The following TM9SF3 variants were observed in gnomAD, a reference collection of about 807,000 sequenced individuals.
TM9SF3 encodes SM-11044-binding protein.
TM9SF3 carries 14 observed loss-of-function variants against 78.6 expected under a neutral mutation model. The observed-to-expected ratio is 0.18, with a 90% CI of 0.12 to 0.28. TM9SF3 has a LOEUF of 0.28. Among genes scored for constraint, TM9SF3 ranks in the 10% least tolerant of loss-of-function variants. TM9SF3 has a pLI of 1.00. For synonymous variants in TM9SF3, 231 were observed against 241.7 expected (o/e 0.96, Z 0.41); for missense variants, 496 against 721.9 (o/e 0.69, Z 3.59).
chr10:96,519,524 T>C lies in TM9SF3; in HGVS notation c.*2739A>G, dbSNP rs937480921. On this transcript the variant is annotated 3_prime_UTR_variant, in exon 15 of 15. Coordinates refer to ENST00000371142, the MANE Select transcript of TM9SF3 (RefSeq NM_020123.4). ...TATGTATACAAATGTCAACTACTAA[T>C]GTAGTTAAATTTCAGGAGAAGCATG... The C allele has an allele frequency of 1.3e-5, 2 of 151,972 alleles. No homozygotes were observed. Among genetic ancestry groups the C allele is most frequent in the African/African-American group, 4.8e-5 (2 of 41,430 alleles). The allele number at this position is 151,972 out of a possible 1,614,324, so 9.4% of individuals were successfully genotyped here.
At chr10:96,574,316 C>CA (rs1003756133) in intron 2 of TM9SF3, among the ~76,000 whole-genome samples, 7 of 151,932 alleles carry the variant, frequency 4.6e-5, no homozygotes, top group Non-Finnish European at 1.0e-4. Flanking sequence ...AACGAACATA[C>CA]AAAAAAAAGC....
chr10:96,528,198 C>G, intron 11 of TM9SF3, 21 bp from the exon 12 acceptor site: 1 of 1,599,712 alleles, frequency 6.3e-7, no homozygotes, highest in Non-Finnish European at 8.5e-7. Context: ...GCAATAAAGA[C>G]ACAGGTTTCC....
At chr10:96,546,843 G>C (rs964919687) in intron 8 of TM9SF3, among the ~76,000 whole-genome samples, 3 of 152,184 alleles carry the variant, frequency 2.0e-5, no homozygotes, top group Non-Finnish European at 4.4e-5. Context: ...TGCTGACACT[G>C]CTTAAGATGG....
At chr10:96,538,797 G>A (rs1239225524) in intron 9 of TM9SF3, among the ~76,000 whole-genome samples, 1 of 152,156 alleles carries the variant, frequency 6.6e-6, no homozygotes, top group Non-Finnish European at 1.5e-5. Flanking sequence ...ATTAGGAAGT[G>A]CTAATTAAAA....
At chr10:96,580,804 CA>C (rs2134162574) in intron 1 of TM9SF3, among the ~76,000 whole-genome samples, 1 of 152,242 alleles carries the variant, frequency 6.6e-6, no homozygotes, top group Admixed American at 6.5e-5. Context: ...TTTATATGAA[CA>C]CTTAAATAAT....
chr10:96,586,725 G>A lies in TM9SF3; in HGVS notation c.102+9C>T, dbSNP rs1044385218. On this transcript the variant is annotated intron_variant, in intron 1 of 14. Transcript: ENST00000371142. ...GCCCGGGGCGGCCGCGCCGGCCGGG[G>A]CGCCTCACCGTGTGTTCGTGCTCGT... 9 of 1,226,148 alleles carry A rather than the reference G, an allele frequency of 7.3e-6. No individual in the cohort carries two copies. In the African/African-American group the frequency reaches 1.1e-4, roughly 15 times the overall value. 76.0% of individuals were successfully genotyped at this position (1,226,148 alleles called of 1,614,324 possible).
intron 9 of TM9SF3, among the ~76,000 whole-genome samples, chr10:96,543,167 A>G (rs1268638721): frequency 6.6e-6 from 1 of 152,188 alleles, no homozygotes; most frequent in Non-Finnish European, 1.5e-5. Context: ...GTTTCTAGTA[A>G]AAAGGTAATA....
At chr10:96,545,422 T>G (rs1292546002) in intron 8 of TM9SF3, among the ~76,000 whole-genome samples, 1 of 152,240 alleles carries the variant, frequency 6.6e-6, no homozygotes, top group Non-Finnish European at 1.5e-5. Flanking sequence ...CTCTCCTGTT[T>G]CATTTCTTTT....
At chr10:96,524,371 G>C (rs1189870567) in intron 14 of TM9SF3, among the ~76,000 whole-genome samples, 1 of 151,716 alleles carries the variant, frequency 6.6e-6, no homozygotes, top group Non-Finnish European at 1.5e-5. Context: ...AAATATACCT[G>C]AATCCTTACG....
intron 9 of TM9SF3, among the ~76,000 whole-genome samples, chr10:96,540,509 T>C (rs12415048): frequency 0.2 from 31,087 of 152,130 alleles, 3,536 homozygotes; most frequent in Admixed American, 0.3. Flanking sequence ...TTGCGTATCT[T>C]AGGCTTCACT....
intron 5 of TM9SF3, among the ~76,000 whole-genome samples, chr10:96,556,354 A>G (rs1848233413): frequency 6.6e-6 from 1 of 152,224 alleles, no homozygotes; most frequent in South Asian, 2.1e-4. Flanking sequence ...ATTCCCCAAC[A>G]GCTCTGCAAG....
At chr10:96,538,563 C>T (rs1158352933) in intron 9 of TM9SF3, among the ~76,000 whole-genome samples, 1 of 151,868 alleles carries the variant, frequency 6.6e-6, no homozygotes, top group African/African-American at 2.4e-5. Flanking sequence ...GTAATTTTGC[C>T]CTTCAAAAAA....
Position 96,528,105 on chromosome 10 carries a change from A to G in TM9SF3, c.1467T>C (p.Val489=). 6.2e-7 allele frequency: 1 copy of G among 1,613,014 alleles called. No homozygotes were observed. The highest frequency in any genetic ancestry group is 8.5e-7 in the Non-Finnish European group (1 of 1,179,182). ...CACAGACAGTCACAATGCACAGGATAACCAGCACCAGCATCATGAAGCCAT... is the reference window on the plus strand; with the variant it reads ...CACAGACAGTCACAATGCACAGGATGACCAGCACCAGCATCATGAAGCCAT... ...YVYGFMMLVL[V]ILCIVTVCVT... Residue 489 remains valine (V), a synonymous_variant, in exon 12 of 15, where the codon GTT becomes GTC. Transcript: ENST00000371142.
chr10:96,569,206 T>C (rs1848411660), intron 2 of TM9SF3, among the ~76,000 whole-genome samples: 1 of 152,130 alleles, frequency 6.6e-6, no homozygotes, highest in South Asian at 2.1e-4. Flanking sequence ...GCCAATATAT[T>C]CACAGAAAGT....
At chr10:96,550,472 A>C (rs896504261) in intron 7 of TM9SF3, among the ~76,000 whole-genome samples, 1 of 152,224 alleles carries the variant, frequency 6.6e-6, no homozygotes, top group Non-Finnish European at 1.5e-5. Context: ...ATGAAATATA[A>C]CTAGAGAAAA....
At position 96,544,057 on chromosome 10, in the gene TM9SF3, T is replaced by TAA. The variant is rs1564931582; in HGVS notation, c.1185+17_1185+18dup. 1.3e-6 allele frequency: 2 copies of TAA among 1,573,836 alleles called. No homozygotes were observed. The highest frequency in any genetic ancestry group is 2.7e-5 in the African/African-American group (2 of 73,764). ...TGTGTATACTTTTTCAGTTTAAAAG[T>TAA]AAGATTCAAGCAACTCACCATTGTT... On this transcript the variant is annotated intron_variant, in intron 9 of 14. Coordinates refer to ENST00000371142, the MANE Select transcript of TM9SF3 (RefSeq NM_020123.4).
intron 1 of TM9SF3, among the ~76,000 whole-genome samples, chr10:96,580,575 C>A (rs888288965): frequency 5.3e-5 from 8 of 152,030 alleles, no homozygotes; most frequent in African/African-American, 1.9e-4. Context: ...CCCACTTCAT[C>A]TTCTTTCGTC....
chr10:96,559,859 G>A (rs1589457100), intron 4 of TM9SF3, 123 bp from the exon 5 acceptor site: 2 of 578,236 alleles, frequency 3.5e-6, no homozygotes, highest in East Asian at 2.9e-5. Flanking sequence ...GAGAAATGGA[G>A]GAAAGTTACT....
At chr10:96,525,283 G>C (rs1847825041) in intron 14 of TM9SF3, among the ~76,000 whole-genome samples, 2 of 152,024 alleles carry the variant, frequency 1.3e-5, no homozygotes, top group Admixed American at 1.3e-4. Context: ...ACACAATGTA[G>C]TTTTAACCTT....
Sources: gnomAD v4.1 joint callset for allele counts (sites outside exome capture counted in the v4.1 genomes callset) on GRCh38, gnomAD v4.1.1 for gene constraint, MANE v1.5 for transcripts, NCBI Gene and HGNC (gene_info 2026-07-23, HGNC 2026-07-21) for gene names.